The following COL4A6 variants were observed in gnomAD, a reference collection of about 807,000 sequenced individuals.
COL4A6 encodes collagen alpha-6(IV) chain.
In COL4A6, 59 loss-of-function variants were observed where a neutral mutation model predicts 126.7. The observed-to-expected ratio is 0.47, with a 90% CI of 0.38 to 0.58. The LOEUF is 0.58. COL4A6 is among the 20% of genes least tolerant of loss of function. COL4A6 has a pLI of 0.00. For synonymous variants in COL4A6, 547 were observed against 496.6 expected (o/e 1.10, Z -1.35); for missense variants, 1,285 against 1,337.3 (o/e 0.96, Z 0.61).
chrX:108,394,246 A>C (rs2148184084), intron 2 of COL4A6, among the ~76,000 whole-genome samples: 1 of 108,985 alleles, frequency 9.2e-6, no homozygotes, highest in South Asian at 4.1e-4. Flanking sequence ...GGACACAGGG[A>C]GGGGAACATC....
chrX:108,285,341 C>T (rs778981888), intron 3 of COL4A6, among the ~76,000 whole-genome samples: 2 of 112,055 alleles, frequency 1.8e-5, no homozygotes, highest in Non-Finnish European at 3.8e-5. Context: ...TACTAAAACC[C>T]CTGTGAATGT....
intron 3 of COL4A6, among the ~76,000 whole-genome samples, chrX:108,301,190 A>T (rs979825785): frequency 7.1e-5 from 8 of 112,097 alleles, no homozygotes; most frequent in Non-Finnish European, 1.3e-4. Flanking sequence ...CATGTTTCTA[A>T]CTCCATTGCA....
At chrX:108,271,785 C>T (rs1187114029) in intron 3 of COL4A6, among the ~76,000 whole-genome samples, 1 of 112,064 alleles carries the variant, frequency 8.9e-6, no homozygotes, top group African/African-American at 3.2e-5. Flanking sequence ...AAAGGAAGTT[C>T]TCTCTTTTAC....
At position 108,164,996 on chromosome X, in the gene COL4A6, G is replaced by C; in HGVS notation, c.3851C>G (p.Ser1284Cys). ...PAGPPGPPGP[S>C]SNQGDTGDPG... ...GTCTCCGGTGTCGCCTTGATTCGAG[G>C]ATGGCCCAGGGGGACCTGGGGGTCC... The change falls in exon 39 of 45, where the codon TCC (serine) becomes TGC (cysteine). Residue 1284 changes from serine to cysteine, a missense_variant. Transcript: ENST00000334504. 1 of 1,210,415 alleles carries C rather than the reference G, an allele frequency of 8.3e-7. No homozygotes were observed. The highest frequency in any genetic ancestry group is 1.1e-6 in the Non-Finnish European group (1 of 895,051).
chrX:108,429,572 T>C (rs1399727771), intron 2 of COL4A6, among the ~76,000 whole-genome samples: 2 of 112,193 alleles, frequency 1.8e-5, no homozygotes, highest in Non-Finnish European at 3.8e-5. Context: ...TATTATATTA[T>C]AGTATTACAA....
chrX:108,178,298 C>T (rs949744982), intron 27 of COL4A6, among the ~76,000 whole-genome samples: 1 of 112,448 alleles, frequency 8.9e-6, no homozygotes, highest in Non-Finnish European at 1.9e-5. Flanking sequence ...TGGTCACACT[C>T]TGCTCAAGCT....
At chrX:108,323,508 G>T (rs1283940659) in intron 2 of COL4A6, among the ~76,000 whole-genome samples, 1 of 111,566 alleles carries the variant, frequency 9.0e-6, no homozygotes, top group African/African-American at 3.3e-5. Flanking sequence ...ATTTAAGCAT[G>T]ATATTTAAGG....
intron 2 of COL4A6, among the ~76,000 whole-genome samples, chrX:108,354,478 TTTGAACCCTGTGAC>T (rs1211007475): frequency 9.0e-6 from 1 of 111,333 alleles, no homozygotes; most frequent in Non-Finnish European, 1.9e-5. Context: ...AGCCCTGAAT[TTTGAACCCTGTGAC>T]TTGGAACTCT....
intron 3 of COL4A6, among the ~76,000 whole-genome samples, chrX:108,253,519 A>G (rs927534004): frequency 5.3e-5 from 6 of 112,199 alleles, no homozygotes; most frequent in African/African-American, 1.9e-4. Context: ...GTCTTCTTCT[A>G]TCACCATGTA....
At chrX:108,218,687 T>C (rs2035929513) in intron 5 of COL4A6, among the ~76,000 whole-genome samples, 1 of 111,755 alleles carries the variant, frequency 8.9e-6, no homozygotes, top group Non-Finnish European at 1.9e-5. Context: ...GAACCCCTTT[T>C]CCTGACATTA....
intron 3 of COL4A6, among the ~76,000 whole-genome samples, chrX:108,231,266 G>A (rs1343333179): frequency 1.8e-5 from 2 of 111,261 alleles, no homozygotes; most frequent in Non-Finnish European, 3.8e-5. Flanking sequence ...GCCAGCCCAG[G>A]CATGAAGACA....
At chrX:108,291,258 A>T (rs893353310) in intron 3 of COL4A6, among the ~76,000 whole-genome samples, 4 of 112,148 alleles carry the variant, frequency 3.6e-5, no homozygotes, top group Non-Finnish European at 3.8e-5. Flanking sequence ...CAATTTCCCC[A>T]TAATCCTCTC....
At chrX:108,243,433 C>CT (rs1342748567) in intron 3 of COL4A6, among the ~76,000 whole-genome samples, 1 of 111,018 alleles carries the variant, frequency 9.0e-6, no homozygotes, top group African/African-American at 3.3e-5. Flanking sequence ...TACCAGAGTT[C>CT]TCTCTTGCCA....
intron 2 of COL4A6, among the ~76,000 whole-genome samples, chrX:108,355,523 C>CA (rs2039940983): frequency 1.8e-5 from 2 of 112,110 alleles, no homozygotes; most frequent in African/African-American, 6.5e-5. Context: ...CCCCATGGAG[C>CA]TTATGTTCTG....
chrX:108,354,228 G>GCTGA (rs2039907061), intron 2 of COL4A6, among the ~76,000 whole-genome samples: 1 of 111,550 alleles, frequency 9.0e-6, no homozygotes, highest in Non-Finnish European at 1.9e-5. Context: ...GGAGGAAAAG[G>GCTGA]AAAGAGACCT....
At chrX:108,385,441 A>G (rs912899366) in intron 2 of COL4A6, among the ~76,000 whole-genome samples, 1 of 111,797 alleles carries the variant, frequency 8.9e-6, no homozygotes, top group Non-Finnish European at 1.9e-5. Flanking sequence ...TATAGATTCA[A>G]TAAAATCCCT....
rs561920905 is a variant in COL4A6, at chrX:108,172,964, G to A, written c.3139-432C>T. ...GGGTTAGCCCTCTGCCACAGGTTCC[G>A]CAAGGAACACAAGTTCTTTCTGCCA... On this transcript the variant is annotated intron_variant, in intron 31 of 44. Transcript: ENST00000334504. 9.0e-4 allele frequency among the ~76,000 whole-genome samples: 101 copies of A among 112,195 alleles called. 2 individuals are homozygous for A. The South Asian group carries it at 0.024, about 27-fold the overall frequency.
intron 2 of COL4A6, among the ~76,000 whole-genome samples, chrX:108,409,999 GA>G (rs999227195): frequency 3.6e-5 from 4 of 111,724 alleles, no homozygotes; most frequent in African/African-American, 1.3e-4. Flanking sequence ...AGATCCCCGG[GA>G]AGGTGAGAAA....
intron 6 of COL4A6, chrX:108,213,778 C>T (rs909784604): frequency 3.1e-5 from 6 of 196,493 alleles, no homozygotes; most frequent in Non-Finnish European, 4.5e-5. Flanking sequence ...TCCAAACATT[C>T]CTCAATATTG....
Sources: allele counts gnomAD v4.1 joint callset (sites outside exome capture counted in the v4.1 genomes callset), GRCh38; gene constraint gnomAD v4.1.1; transcripts MANE v1.5; gene names NCBI Gene and HGNC (gene_info 2026-07-23, HGNC 2026-07-21).